SDK1: variants seen among roughly 807,000 people sequenced by gnomAD.
SDK1 encodes sidekick cell adhesion molecule 1, also known as protein sidekick-1.
Under a neutral mutation model 245.5 loss-of-function variants are expected in SDK1, and 157 were observed. That is an observed-to-expected ratio of 0.64 (90% CI 0.56 to 0.73). The LOEUF (loss-of-function observed/expected upper bound fraction) is 0.73. SDK1 is among the 30% of genes least tolerant of loss of function. The pLI is 0.00. For missense variants in SDK1, 3,583 were observed against 3,002.3 expected, an observed-to-expected ratio of 1.19 and a Z score of -4.52; for synonymous variants, 1,647 against 1,278.5, an observed-to-expected ratio of 1.29 and a Z score of -6.15.
At chr7:3,429,746 G>A (rs1193390173) in intron 1 of SDK1, among the ~76,000 whole-genome samples, 1 of 151,622 alleles carries the variant, frequency 6.6e-6, no homozygotes, top group South Asian at 2.1e-4. Flanking sequence ...ACAGGTGTGG[G>A]ACACCATGTC....
At chr7:3,915,739 T>C (rs979540633) in intron 5 of SDK1, among the ~76,000 whole-genome samples, 2 of 152,210 alleles carry the variant, frequency 1.3e-5, no homozygotes, top group Non-Finnish European at 2.9e-5. Flanking sequence ...TGGAAGTTGA[T>C]AAAGTACCCT....
At chr7:3,405,159 C>CA (rs751705504) in intron 1 of SDK1, among the ~76,000 whole-genome samples, 2,620 of 123,852 alleles carry the variant, frequency 0.021, 60 homozygotes, top group African/African-American at 0.08. Context: ...AAAAAAAAAC[C>CA]AAAAAAAAAA....
chr7:3,968,553 T>C (rs1782250157), intron 10 of SDK1, among the ~76,000 whole-genome samples: 1 of 152,224 alleles, frequency 6.6e-6, no homozygotes, highest in Non-Finnish European at 1.5e-5. Context: ...TTCTCTCTTG[T>C]TTTCCTGCCT....
chr7:3,903,497 A>G (rs569873242), intron 5 of SDK1, among the ~76,000 whole-genome samples: 111 of 152,204 alleles, frequency 7.3e-4, no homozygotes, highest in African/African-American at 2.5e-3. Context: ...AAGTAGATAC[A>G]TTTTAACCCT....
At chr7:3,305,537 T>G (rs1204038451) in intron 1 of SDK1, among the ~76,000 whole-genome samples, 2 of 152,086 alleles carry the variant, frequency 1.3e-5, no homozygotes, top group Non-Finnish European at 2.9e-5. Context: ...TTTGGGCCCA[T>G]GTTGCTTTCC....
intron 5 of SDK1, among the ~76,000 whole-genome samples, chr7:3,942,944 C>A (rs1483740872): frequency 6.6e-6 from 1 of 152,164 alleles, no homozygotes; most frequent in South Asian, 2.1e-4. Flanking sequence ...TGGTTGAGGG[C>A]AGCTTTGACC....
At chr7:3,520,454 T>C (rs1782900423) in intron 1 of SDK1, among the ~76,000 whole-genome samples, 1 of 152,216 alleles carries the variant, frequency 6.6e-6, no homozygotes, top group African/African-American at 2.4e-5. Flanking sequence ...CGAACTCTGC[T>C]GTGTTTGGTG....
intron 19 of SDK1, among the ~76,000 whole-genome samples, chr7:4,062,109 G>A (rs1166235514): frequency 6.6e-6 from 1 of 151,700 alleles, no homozygotes; most frequent in South Asian, 2.1e-4. Context: ...TTGTGCACAT[G>A]TACCCTAAAA....
chr7:3,989,708 C>T (rs996697846), intron 14 of SDK1, among the ~76,000 whole-genome samples: 4 of 152,280 alleles, frequency 2.6e-5, no homozygotes, highest in South Asian at 2.1e-4. Context: ...TGAGTTCTGC[C>T]GTGGCTCTTC....
intron 4 of SDK1, among the ~76,000 whole-genome samples, chr7:3,672,582 AAT>A (rs563633011): frequency 3.5e-5 from 5 of 142,414 alleles, no homozygotes; most frequent in Non-Finnish European, 6.0e-5. Flanking sequence ...GATGTGGAGA[AAT>A]ATATATATAT....
chr7:3,338,265 T>G (rs1236129663), intron 1 of SDK1: 1 of 423,612 alleles, frequency 2.4e-6, no homozygotes, highest in African/African-American at 2.1e-5. Flanking sequence ...GAATGGGTAC[T>G]GTTCAGAAAG....
intron 1 of SDK1, among the ~76,000 whole-genome samples, chr7:3,448,066 G>A (rs1583871893): frequency 6.6e-6 from 1 of 152,088 alleles, no homozygotes; most frequent in African/African-American, 2.4e-5. Context: ...CTGATAATGG[G>A]ACTGACAGTT....
At chr7:3,571,788 C>G (rs1187456022) in intron 1 of SDK1, among the ~76,000 whole-genome samples, 1 of 152,014 alleles carries the variant, frequency 6.6e-6, no homozygotes, top group African/African-American at 2.4e-5. Context: ...TTGGATGGAG[C>G]AGTTCCAGCA....
chr7:3,352,156 A>G (rs1055208481), intron 1 of SDK1, among the ~76,000 whole-genome samples: 58 of 149,626 alleles, frequency 3.9e-4, no homozygotes, highest in Non-Finnish European at 5.6e-4. Flanking sequence ...ATATATTTAT[A>G]AAAGTTTCAT....
rs577384311 is a variant in SDK1 at position 4,045,929 on chromosome 7, T to C, written c.2603-3419T>C. 4.6e-5 allele frequency among the ~76,000 whole-genome samples: 7 copies of C among 152,318 alleles called. No individual in the cohort carries two copies. In the East Asian group the frequency reaches 5.8e-4, roughly 13 times the overall value. On this transcript the variant is annotated intron_variant, in intron 17 of 44. Coordinates refer to ENST00000404826, the MANE Select transcript of SDK1 (RefSeq NM_152744.4). ...TACAGTTGAATTTTGAAAATTCTTTTTTCTGCATAGTAGGTTTTTGTTCTT... is the reference window on the plus strand; with the variant it reads ...TACAGTTGAATTTTGAAAATTCTTTCTTCTGCATAGTAGGTTTTTGTTCTT...
chr7:3,317,954 TGTA>T (rs1381032601), intron 1 of SDK1, among the ~76,000 whole-genome samples: 1 of 152,212 alleles, frequency 6.6e-6, no homozygotes, highest in Non-Finnish European at 1.5e-5. Context: ...CATATCAAAA[TGTA>T]GTAGTGAAAG....
chr7:3,971,464 A>C lies in SDK1; in HGVS notation c.1715-2A>C. 1 of 1,607,400 alleles carries C rather than the reference A, an allele frequency of 6.2e-7. No homozygotes were observed. Among genetic ancestry groups the C allele is most frequent in the Non-Finnish European group, 8.5e-7 (1 of 1,174,852 alleles). On this transcript the variant is annotated splice_acceptor_variant, in intron 11 of 44. Transcript: ENST00000404826. LOFTEE classifies it high-confidence loss of function. ...CTGACTCGTGACTTGTGTTTTTTTC[A>C]GATCGGACGTCCATCGTCCACCCTC... is the stretch of plus-strand genomic sequence containing the variant.
chr7:4,100,882 C>G (rs1782493280), intron 22 of SDK1, among the ~76,000 whole-genome samples: 1 of 152,132 alleles, frequency 6.6e-6, no homozygotes, highest in African/African-American at 2.4e-5. Context: ...TGTGGGTTAA[C>G]AAGGACCCCA....
chr7:3,456,957 A>G (rs1214599477), intron 1 of SDK1, among the ~76,000 whole-genome samples: 2 of 152,114 alleles, frequency 1.3e-5, no homozygotes, highest in Middle Eastern at 3.2e-3. Context: ...TCTTTTGTTC[A>G]TCTGCTGCCG....
Sources: gnomAD v4.1 joint callset for allele counts (sites outside exome capture counted in the v4.1 genomes callset) on GRCh38, gnomAD v4.1.1 for gene constraint, MANE v1.5 for transcripts, NCBI Gene and HGNC (gene_info 2026-07-23, HGNC 2026-07-21) for gene names.